MYO16: variants seen among roughly 807,000 people sequenced by gnomAD.
MYO16 encodes unconventional myosin-XVI.
In MYO16, 94 loss-of-function variants were observed where a neutral mutation model predicts 205.3. That is an observed-to-expected ratio of 0.46 (90% CI 0.39 to 0.54). MYO16 has a LOEUF of 0.54. MYO16 is among the 20% of genes least tolerant of loss of function. MYO16 has a pLI of 0.00. For synonymous variants in MYO16, 988 were observed against 954.0 expected (o/e 1.04, Z -0.66); for missense variants, 2,315 against 2,387.5 (o/e 0.97, Z 0.63).
At chr13:108,908,982 AAAAT>A (rs1881129441) in intron 15 of MYO16, among the ~76,000 whole-genome samples, 1 of 142,084 alleles carries the variant, frequency 7.0e-6, no homozygotes, top group African/African-American at 2.6e-5. Flanking sequence ...CAAAAAAAAT[AAAAT>A]AAAATAAATA....
chr13:109,198,065 T>C (rs889300665), intron 34 of MYO16, among the ~76,000 whole-genome samples: 6 of 152,172 alleles, frequency 3.9e-5, no homozygotes, highest in African/African-American at 1.4e-4. Context: ...ATAGCTTTTC[T>C]TGCAGGAAAA....
intron 2 of MYO16, among the ~76,000 whole-genome samples, chr13:108,678,039 A>G (rs1351312111): frequency 1.3e-5 from 2 of 152,234 alleles, no homozygotes; most frequent in Non-Finnish European, 2.9e-5. Flanking sequence ...CAATCTGTAG[A>G]TGATCACTGC....
At chr13:108,581,381 A>G in the MYO16 span, among the ~76,000 whole-genome samples, 6 of 152,202 alleles carry the variant, frequency 3.9e-5, no homozygotes, top group Non-Finnish European at 5.9e-5. Context: ...TATGCAAGCT[A>G]CATTGAACAT....
At chr13:108,934,479 T>C (rs1882393902) in intron 16 of MYO16, among the ~76,000 whole-genome samples, 1 of 152,212 alleles carries the variant, frequency 6.6e-6, no homozygotes, top group South Asian at 2.1e-4. Flanking sequence ...AAGTTCCTTA[T>C]AGATTCTGAA....
intron 16 of MYO16, among the ~76,000 whole-genome samples, chr13:108,924,821 C>T (rs368563039): frequency 0.32 from 2,146 of 6,736 alleles, 53 homozygotes; most frequent in African/African-American, 0.32. Context: ...TTCAGCTTAA[C>T]GTCTGTTGCC....
chr13:109,018,805 G>A (rs993131150), intron 22 of MYO16, among the ~76,000 whole-genome samples: 2 of 152,160 alleles, frequency 1.3e-5, no homozygotes, highest in African/African-American at 4.8e-5. Context: ...CTCTGCTTCA[G>A]CTCACCCTCC....
At chr13:108,841,865 G>A (rs915277935) in intron 9 of MYO16, among the ~76,000 whole-genome samples, 1 of 152,026 alleles carries the variant, frequency 6.6e-6, no homozygotes, top group African/African-American at 2.4e-5. Flanking sequence ...TATGATAGTG[G>A]CAATAAAACA....
At chr13:108,955,851 A>T (rs2139352377) in intron 16 of MYO16, among the ~76,000 whole-genome samples, 1 of 152,200 alleles carries the variant, frequency 6.6e-6, no homozygotes, top group East Asian at 1.9e-4. Context: ...ATTCTATCTC[A>T]AAACAAAACA....
the MYO16 span, among the ~76,000 whole-genome samples, chr13:108,572,530 C>T: frequency 0.033 from 4,997 of 152,134 alleles, 249 homozygotes; most frequent in African/African-American, 0.11. Context: ...TCATCTAGTC[C>T]CCAGGTGAAT....
chr13:108,785,148 C>T (rs1047720616), intron 4 of MYO16, among the ~76,000 whole-genome samples: 5 of 152,080 alleles, frequency 3.3e-5, no homozygotes, highest in African/African-American at 9.7e-5. Context: ...ATTAAAATGT[C>T]GTAGTGTGAG....
At chr13:108,972,221 C>T (rs1017416364) in intron 20 of MYO16, among the ~76,000 whole-genome samples, 1 of 11,106 alleles carries the variant, frequency 9.0e-5, no homozygotes, top group African/African-American at 3.1e-4. Flanking sequence ...CTCTCTCTCT[C>T]TCTCTCTCTC....
chr13:108,847,111 C>A (rs1159895742), intron 10 of MYO16, among the ~76,000 whole-genome samples: 1 of 152,248 alleles, frequency 6.6e-6, no homozygotes, highest in South Asian at 2.1e-4. Context: ...AGATTGATTG[C>A]TTTTTAAGTG....
At chr13:108,745,867 T>A (rs1885043733) in intron 4 of MYO16, among the ~76,000 whole-genome samples, 1 of 152,064 alleles carries the variant, frequency 6.6e-6, no homozygotes, top group Non-Finnish European at 1.5e-5. Flanking sequence ...CCAAAGGAAC[T>A]CTATAAATCA....
intron 27 of MYO16, among the ~76,000 whole-genome samples, chr13:109,089,263 G>T (rs1888544849): frequency 6.6e-6 from 1 of 151,548 alleles, no homozygotes; most frequent in Non-Finnish European, 1.5e-5. Context: ...CCCCAGGCTG[G>T]AGTGCAGTGG....
At chr13:108,651,027 G>A (rs141912391) in intron 1 of MYO16, among the ~76,000 whole-genome samples, 200 of 152,326 alleles carry the variant, frequency 1.3e-3, no homozygotes, top group African/African-American at 4.0e-3. Context: ...GAGACACAGA[G>A]AGGAAAAGGA....
At chr13:108,519,050 C>G in the MYO16 span, among the ~76,000 whole-genome samples, 1 of 151,956 alleles carries the variant, frequency 6.6e-6, no homozygotes, top group Non-Finnish European at 1.5e-5. Flanking sequence ...ATAGATGCTG[C>G]TTTAAAAGTG....
the MYO16 span, among the ~76,000 whole-genome samples, chr13:108,588,107 C>T: frequency 0.69 from 104,700 of 151,886 alleles, 36,526 homozygotes; most frequent in Non-Finnish European, 0.74. Flanking sequence ...TTTTTCCGAG[C>T]TTTTTATTAT....
At chr13:109,040,385 C>CAGAGAGAGAG (rs146955371) in intron 23 of MYO16, among the ~76,000 whole-genome samples, 157 of 113,276 alleles carry the variant, frequency 1.4e-3, no homozygotes, top group African/African-American at 4.5e-3. Context: ...CACACACACA[C>CAGAGAGAGAG]AGAGAGAGAG....
In MYO16 at chr13:108,738,347, T is replaced by A. The variant is rs977553077; in HGVS notation, c.507+10764T>A. ...CTGGTATACTGTGTCTTTGTTCTCA[T>A]TGGTTTCAAAGAACATCTTTATTTC... On this transcript the variant is annotated intron_variant, in intron 4 of 34. Coordinates refer to ENST00000457511, the MANE Select transcript of MYO16 (RefSeq NM_001198950.3). Among the ~76,000 whole-genome samples, 4 of 152,222 alleles carry A rather than the reference T, an allele frequency of 2.6e-5. No homozygotes were observed. In the South Asian group the frequency reaches 8.3e-4, roughly 32 times the overall value.
Sources: allele counts gnomAD v4.1 joint callset (sites outside exome capture counted in the v4.1 genomes callset), GRCh38; gene constraint gnomAD v4.1.1; transcripts MANE v1.5; gene names NCBI Gene and HGNC (gene_info 2026-07-23, HGNC 2026-07-21).